Variants in ACAD8 observed in about 807,000 individuals in gnomAD.
ACAD8 encodes the protein isobutyryl-CoA dehydrogenase, mitochondrial.
In ACAD8, 47 loss-of-function variants were observed where a neutral mutation model predicts 53.1. That is an observed-to-expected ratio of 0.89 (90% CI 0.70 to 1.13). The LOEUF (loss-of-function observed/expected upper bound fraction) is 1.13. ACAD8 is among the 50% of genes most tolerant of loss of function. The pLI is 0.00. For missense variants in ACAD8, 494 were observed against 535.0 expected, an observed-to-expected ratio of 0.92 and a Z score of 0.76; for synonymous variants, 198 against 201.3, an observed-to-expected ratio of 0.98 and a Z score of 0.14.
chr11:134,255,334 C>G (rs973741068), intron 1 of ACAD8, among the ~76,000 whole-genome samples: 8 of 152,142 alleles, frequency 5.3e-5, no homozygotes, highest in African/African-American at 1.7e-4. Flanking sequence ...CGGGGTTTCA[C>G]CATGTTGGAC....
In ACAD8 at chr11:134,261,981, GC is replaced by G; in HGVS notation, c.1092+94del. Reference sequence around the variant, plus strand: ...AGACATGAGTCAGATTTGGAACCCAGCCCTCCTGGAATCCCACAAGGATCAC... The same window carrying G: ...AGACATGAGTCAGATTTGGAACCCAGCCTCCTGGAATCCCACAAGGATCAC... On this transcript the variant is annotated intron_variant, in intron 9 of 10. Coordinates refer to ENST00000281182, the MANE Select transcript of ACAD8 (RefSeq NM_014384.3). This position sits in a 1 kb window ranked among gnomAD's most constrained non-coding sequence, Gnocchi z 4.2. 1 of 1,466,922 alleles carries G rather than the reference GC, an allele frequency of 6.8e-7. No homozygotes were observed. Among genetic ancestry groups the G allele is most frequent in the African/African-American group, 1.4e-5 (1 of 72,382 alleles). 90.9% of individuals were successfully genotyped at this position (1,466,922 alleles called of 1,614,324 possible).
Position 134,257,086 on chromosome 11 carries a change from A to G in ACAD8, c.211-2A>G, listed in dbSNP as rs1939577386. The G allele has an allele frequency of 6.2e-7, 1 of 1,614,028 alleles. No homozygotes were observed. Among genetic ancestry groups the G allele is most frequent in the African/African-American group, 1.3e-5 (1 of 74,920 alleles). On this transcript the variant is annotated splice_acceptor_variant, in intron 2 of 10. Coordinates refer to ENST00000281182, the MANE Select transcript of ACAD8 (RefSeq NM_014384.3). LOFTEE classifies it high-confidence loss of function. ...GATCACCCTGCTCTCTTTTGTACATAGGAGCTGTTCCCAGTGGATGTGATG... is the reference window on the plus strand; with the variant it reads ...GATCACCCTGCTCTCTTTTGTACATGGGAGCTGTTCCCAGTGGATGTGATG...
rs780658611 is a variant in ACAD8, at chr11:134,261,723, C to T, written c.940-15C>T. On this transcript the variant is annotated splice_polypyrimidine_tract_variant and intron_variant, in intron 8 of 10. Coordinates refer to ENST00000281182, the MANE Select transcript of ACAD8 (RefSeq NM_014384.3). This position sits in a 1 kb window ranked among gnomAD's most constrained non-coding sequence, Gnocchi z 4.2. ...CCCCTCAGTCTTGTCTGGTTCTCTGCTCCCTGTGCTGCAGTACTTGCAATT... is the reference window on the plus strand; with the variant it reads ...CCCCTCAGTCTTGTCTGGTTCTCTGTTCCCTGTGCTGCAGTACTTGCAATT... 4 of 1,613,130 alleles carry T rather than the reference C, an allele frequency of 2.5e-6. No homozygotes were observed. Among genetic ancestry groups the T allele is most frequent in the Non-Finnish European group, 2.5e-6 (3 of 1,180,016 alleles).
chr11:134,262,551 GC>G lies in ACAD8; in HGVS notation c.1125del (p.Tyr376ThrfsTer4). On this transcript the variant is annotated frameshift_variant, in exon 10 of 11. Coordinates refer to ENST00000281182, the MANE Select transcript of ACAD8 (RefSeq NM_014384.3). LOFTEE classifies it high-confidence loss of function. ...ICNQALQMHG[G>X]YGYLKDYAVQ... ...AACCAGGCCTTGCAGATGCACGGGGGCTACGGCTACCTGAAGGATTACGCTG... is the reference window on the plus strand; with the variant it reads ...AACCAGGCCTTGCAGATGCACGGGGGTACGGCTACCTGAAGGATTACGCTG... 1 of 1,614,072 alleles carries G rather than the reference GC, an allele frequency of 6.2e-7. No homozygotes were observed. Among genetic ancestry groups the G allele is most frequent in the Non-Finnish European group, 8.5e-7 (1 of 1,179,984 alleles).
intron 3 of ACAD8, 93 bp downstream of exon 3, chr11:134,257,350 C>A: frequency 6.7e-7 from 1 of 1,486,134 alleles, no homozygotes; most frequent in Non-Finnish European, 9.2e-7. Context: ...TCTTTTGAAG[C>A]TGAGTGTCCT....
chr11:134,261,325 C>T lies in ACAD8; in HGVS notation c.892C>T (p.His298Tyr), dbSNP rs1338036982. ...AHASVILTRD[H>Y]LNVRKQFGEP... The stretch of plus-strand genomic sequence containing the variant: ...CGCCTCTGTCATCCTCACCCGAGAC[C>T]ACCTCAATGTCCGGAAGCAGTTTGG... Residue 298 changes from histidine to tyrosine, a missense_variant, in exon 8 of 11, where the codon CAC (histidine) becomes TAC (tyrosine). Coordinates refer to ENST00000281182, the MANE Select transcript of ACAD8 (RefSeq NM_014384.3). This position sits in a 1 kb window ranked among gnomAD's most constrained non-coding sequence, Gnocchi z 4.2. 10 of 1,614,168 alleles carry T rather than the reference C, an allele frequency of 6.2e-6. No individual in the cohort carries two copies. Among genetic ancestry groups the T allele is most frequent in the Non-Finnish European group, 8.5e-6 (10 of 1,180,030 alleles).
intron 1 of ACAD8, 133 bp downstream of exon 1, chr11:134,253,842 G>A (rs71486997): frequency 7.2e-5 from 70 of 975,166 alleles, no homozygotes; most frequent in Non-Finnish European, 9.7e-5. Context: ...TCACCCCCCC[G>A]GCCTGGCTCC....
intron 10 of ACAD8, chr11:134,263,851 T>A (rs1252710969): frequency 2.0e-6 from 2 of 985,218 alleles, no homozygotes; most frequent in East Asian, 2.3e-4. Flanking sequence ...GTTGGATAAA[T>A]CTACAGTTTA....
intron 6 of ACAD8, 70 bp from the exon 7 acceptor site, chr11:134,260,974 C>G: frequency 6.3e-7 from 1 of 1,578,486 alleles, no homozygotes; most frequent in Non-Finnish European, 8.6e-7. Flanking sequence ...CTCACAGGCT[C>G]CCGTCCCCAG....
intron 3 of ACAD8, chr11:134,257,664 TC>T (rs1265452998): frequency 7.1e-6 from 2 of 283,212 alleles, no homozygotes; most frequent in Non-Finnish European, 1.4e-5. Flanking sequence ...AGAGCGAGAC[TC>T]CATCTCAAAA....
intron 3 of ACAD8, 60 bp from the exon 4 acceptor site, chr11:134,258,453 ATT>A: frequency 1.8e-6 from 2 of 1,139,706 alleles, no homozygotes; most frequent in Non-Finnish European, 2.6e-6. Flanking sequence ...CTTCTCCCCC[ATT>A]TTTTTTTCTT....
At chr11:134,257,834 G>A (rs34155861) in intron 3 of ACAD8, 1 of 167,532 alleles carries the variant, frequency 6.0e-6, no homozygotes, top group Non-Finnish European at 1.3e-5. Flanking sequence ...AGTGATCAGG[G>A]TCCTCTCACC....
At chr11:134,259,291 A>G (rs556359167) in intron 5 of ACAD8, 1 of 698,910 alleles carries the variant, frequency 1.4e-6, no homozygotes, top group Non-Finnish European at 2.6e-6. Context: ...ACTTTTGTCT[A>G]TCCTTTTTAT....
At position 134,265,099 on chromosome 11, in the gene ACAD8, G is replaced by A. The variant is rs905776464; in HGVS notation, c.*139G>A. On this transcript the variant is annotated 3_prime_UTR_variant, in exon 11 of 11. Transcript: ENST00000281182. ...CTCTAGGGCAGGACCTGCACCCTGT[G>A]TGTTGGCACCAGCATCGGGTCTTGG... 11 of 889,058 alleles carry A rather than the reference G, an allele frequency of 1.2e-5. No homozygotes were observed. Among genetic ancestry groups the A allele is most frequent in the African/African-American group, 8.2e-5 (5 of 60,866 alleles). 55.1% of individuals were successfully genotyped at this position (889,058 alleles called of 1,614,324 possible).
chr11:134,257,455 CGAGGTCAG>C (rs1375127093), intron 3 of ACAD8, among the ~76,000 whole-genome samples, 198 bp downstream of exon 3: 1 of 152,112 alleles, frequency 6.6e-6, no homozygotes, highest in East Asian at 1.9e-4. Flanking sequence ...AGGCAGATCA[CGAGGTCAG>C]GAGTTTGAGA....
At chr11:134,258,146 G>T in intron 3 of ACAD8, 1 of 339,212 alleles carries the variant, frequency 2.9e-6, no homozygotes, top group Non-Finnish European at 5.7e-6. Flanking sequence ...CACCGCACCC[G>T]GCCCCTCTCA....
At chr11:134,255,299 C>T (rs1438985317) in intron 1 of ACAD8, among the ~76,000 whole-genome samples, 1 of 152,102 alleles carries the variant, frequency 6.6e-6, no homozygotes, top group Non-Finnish European at 1.5e-5. Flanking sequence ...CCATGCCCAG[C>T]TAATTTTTAT....
At position 134,258,998 on chromosome 11, in the gene ACAD8, C is replaced by G; in HGVS notation, c.491-10C>G. 8.7e-6 allele frequency: 14 copies of G among 1,613,016 alleles called. No homozygotes were observed. The highest frequency in any genetic ancestry group is 1.2e-5 in the Non-Finnish European group (14 of 1,179,026). On this transcript the variant is annotated splice_polypyrimidine_tract_variant and intron_variant, in intron 4 of 10. Transcript: ENST00000281182. ...CACCTTCTCTCTGCTGCCTTTTGAT[C>G]CCTCCTCAGGAAGTGGGAGTGATGC...
chr11:134,259,701 G>C lies in ACAD8; in HGVS notation c.661G>C (p.Glu221Gln). 6.2e-7 allele frequency: 1 copy of C among 1,614,212 alleles called. No homozygotes were observed. The highest frequency in any genetic ancestry group is 1.1e-5 in the South Asian group (1 of 91,080). ...CAAGGGCATCTCATGCATAGTTGTT[G>C]AGAAGGGGACCCCTGGCCTCAGCTT... ...GPKGISCIVV[E>Q]KGTPGLSFGK... The change falls in exon 6 of 11, where the codon GAG becomes CAG. Residue 221 changes from glutamate to glutamine, a missense_variant. Physicochemically the swap from Glu to Gln is conservative, Grantham distance 29 (BLOSUM62 2). Coordinates refer to ENST00000281182, the MANE Select transcript of ACAD8 (RefSeq NM_014384.3).
Sources: gnomAD v4.1 joint callset for allele counts (sites outside exome capture counted in the v4.1 genomes callset) on GRCh38, gnomAD v4.1.1 for gene constraint, Gnocchi (gnomAD v3.1) non-coding constraint, MANE v1.5 for transcripts, NCBI Gene and HGNC (gene_info 2026-07-23, HGNC 2026-07-21) for gene names.